Variants in DDX17 observed in about 807,000 individuals in gnomAD.
The protein encoded by DDX17 is DEAD-box helicase 17.
A neutral mutation model predicts 80.8 loss-of-function variants in DDX17; 10 were observed. The ratio of observed to expected loss-of-function variants is 0.12; its 90% confidence interval spans 0.08 to 0.21. DDX17 has a LOEUF of 0.21. Among genes scored for constraint, DDX17 ranks in the 10% least tolerant of loss-of-function variants. The pLI is 1.00. For missense variants in DDX17, 586 were observed against 957.4 expected (o/e 0.61, Z 5.12); for synonymous variants, 339 against 336.2 (o/e 1.01, Z -0.09).
At chr22:38,505,857 A>G in intron 1 of DDX17, 94 bp downstream of exon 1, 1 of 1,443,772 alleles carries the variant, frequency 6.9e-7, no homozygotes, top group Admixed American at 2.3e-5. Context: ...CCGGGTCGAG[A>G]GCAAGGCTCC....
chr22:38,495,148 C>T, intron 6 of DDX17, 102 bp from the exon 7 acceptor site: 1 of 1,133,062 alleles, frequency 8.8e-7, no homozygotes, highest in Non-Finnish European at 1.2e-6. Context: ...CGCTTGAGGC[C>T]AGTTCACAAC....
At chr22:38,497,064 C>T (rs2089775414) in intron 5 of DDX17, among the ~76,000 whole-genome samples, 1 of 150,582 alleles carries the variant, frequency 6.6e-6, no homozygotes, top group Non-Finnish European at 1.5e-5. Context: ...TTTTGGGAGG[C>T]CGAGGCAGAT....
chr22:38,494,236 A>G, intron 8 of DDX17, 105 bp from the exon 9 acceptor site: 1 of 785,948 alleles, frequency 1.3e-6, no homozygotes, highest in Non-Finnish European at 2.1e-6. Context: ...TTTGCACATT[A>G]CGCTTTTAAA....
rs1382439557 is a variant in DDX17, at chr22:38,484,404, C to T, written c.*1531G>A. On this transcript the variant is annotated 3_prime_UTR_variant, in exon 13 of 13. Coordinates refer to ENST00000403230, the MANE Select transcript of DDX17 (RefSeq NM_006386.5). ...TCAGAACCCCTCAGAAACCATCCCT[C>T]TCTCCCTAAAGAATTTTAAAAGGAA... The T allele has an allele frequency of 1.3e-5, 2 of 152,234 alleles. No homozygotes were observed. Among genetic ancestry groups the T allele is most frequent in the Non-Finnish European group, 2.9e-5 (2 of 68,048 alleles). 9.4% of individuals were successfully genotyped at this position (152,234 alleles called of 1,614,324 possible). A position where few individuals can be genotyped will look rare whatever the true frequency, so the allele number is the denominator to read the frequency against.
chr22:38,493,105 C>G (rs3859847), intron 10 of DDX17, among the ~76,000 whole-genome samples: 12 of 152,180 alleles, frequency 7.9e-5, no homozygotes, highest in Non-Finnish European at 1.6e-4. Flanking sequence ...ATCAACTATA[C>G]AACAGGGGTA....
In DDX17 at chr22:38,486,088, A is replaced by G. The variant is rs1317011639; in HGVS notation, c.2037T>C (p.Phe679=). 36 of 1,614,020 alleles carry G rather than the reference A, an allele frequency of 2.2e-5. No individual in the cohort carries two copies. The highest frequency in any genetic ancestry group is 2.7e-5 in the Non-Finnish European group (32 of 1,180,028). ...GCTGCCCAGACCGGCCTATCCCACT[A>G]AACTGCTGGCTAGAGCTCTGTGAAC... is the stretch of plus-strand genomic sequence containing the variant. The change falls in exon 13 of 13, where the codon TTT becomes TTC. Residue 679 remains phenylalanine, a synonymous_variant. Coordinates refer to ENST00000403230, the MANE Select transcript of DDX17 (RefSeq NM_006386.5).
intron 6 of DDX17, among the ~76,000 whole-genome samples, chr22:38,495,249 T>TC (rs2089749571): frequency 6.7e-6 from 1 of 148,948 alleles, no homozygotes; most frequent in Admixed American, 6.7e-5. Context: ...AGAAGCTATT[T>TC]TTTTTTTTTT....
intron 12 of DDX17, among the ~76,000 whole-genome samples, chr22:38,487,260 C>T (rs2089669570): frequency 6.6e-6 from 1 of 152,058 alleles, no homozygotes; most frequent in African/African-American, 2.4e-5. Flanking sequence ...TTTGGGAGGC[C>T]AAGACAGGTG....
At chr22:38,498,699 C>CTT in intron 3 of DDX17, 126 bp from the exon 4 acceptor site, 1 of 1,002,072 alleles carries the variant, frequency 1.0e-6, no homozygotes, top group Non-Finnish European at 1.5e-6. Flanking sequence ...AGTGCTTTTT[C>CTT]TTTATCTACT....
intron 1 of DDX17, among the ~76,000 whole-genome samples, chr22:38,501,816 C>T (rs1029320754): frequency 2.0e-5 from 3 of 152,210 alleles, no homozygotes; most frequent in South Asian, 4.1e-4. Flanking sequence ...AAGTATGTAT[C>T]GGCTACTGTT....
chr22:38,491,029 TA>T, intron 11 of DDX17: 1 of 152,908 alleles, frequency 6.5e-6, no homozygotes, highest in African/African-American at 2.4e-5. Flanking sequence ...AAGCTTTATG[TA>T]AACTGCTTTC....
intron 1 of DDX17, chr22:38,505,621 G>A: frequency 3.6e-6 from 1 of 274,900 alleles, no homozygotes; most frequent in Non-Finnish European, 6.8e-6. Flanking sequence ...CTCGAGAGCC[G>A]GGAAACCAGG....
intron 6 of DDX17, among the ~76,000 whole-genome samples, chr22:38,495,528 A>AGCC (rs1361891013): frequency 6.6e-6 from 1 of 152,160 alleles, no homozygotes; most frequent in African/African-American, 2.4e-5. Context: ...TACAGGCATG[A>AGCC]GCCACCGCAC....
At chr22:38,496,308 C>T (rs1185281962) in intron 5 of DDX17, among the ~76,000 whole-genome samples, 1 of 152,132 alleles carries the variant, frequency 6.6e-6, no homozygotes, top group Non-Finnish European at 1.5e-5. Flanking sequence ...AATGCTCCAG[C>T]AAGCATTTAC....
At position 38,486,277 on chromosome 22, in the gene DDX17, G is replaced by T; in HGVS notation, c.1848C>A (p.Gly616=). 1 of 1,614,174 alleles carries T rather than the reference G, an allele frequency of 6.2e-7. No individual in the cohort carries two copies. Among genetic ancestry groups the T allele is most frequent in the East Asian group, 2.2e-5 (1 of 44,884 alleles). Residue 616 remains glycine (G), a synonymous_variant, in exon 13 of 13, where the codon GGC becomes GGA. Transcript: ENST00000403230. ...CAGAATTTGGACTTCCATAGCCACT[G>T]CCATTAGCATAACCAGCTCTATCGG...
chr22:38,493,753 G>A lies in DDX17; in HGVS notation c.1344C>T (p.Ile448=), dbSNP rs1472843153. 2 of 1,613,524 alleles carry A rather than the reference G, an allele frequency of 1.2e-6. No homozygotes were observed. The highest frequency in any genetic ancestry group is 1.7e-6 in the Non-Finnish European group (2 of 1,179,620). The change falls in exon 10 of 13, where the codon ATC becomes ATT. Residue 448 remains isoleucine (I), a synonymous_variant. Coordinates refer to ENST00000403230, the MANE Select transcript of DDX17 (RefSeq NM_006386.5). ...TTTCTGGTTGACTCTTGTCTCCATGGATACACATAGCTGGCCAACTATCAG... is the reference window on the plus strand; with the variant it reads ...TTTCTGGTTGACTCTTGTCTCCATGAATACACATAGCTGGCCAACTATCAG...
intron 10 of DDX17, chr22:38,493,395 C>T: frequency 4.2e-6 from 1 of 238,058 alleles, no homozygotes; most frequent in African/African-American, 2.3e-5. Flanking sequence ...CTATGTTGCC[C>T]AGACCGGTCT....
Position 38,485,817 on chromosome 22 carries a change from T to TAAAAA in DDX17, c.*113_*117dup. The stretch of plus-strand genomic sequence containing the variant: ...AATCACGATGGTTGGGGGGAAAAAT[T>TAAAAA]AAAAAAAAAAAAAGAAAAAAGGAAA... On this transcript the variant is annotated 3_prime_UTR_variant, in exon 13 of 13. Coordinates refer to ENST00000403230, the MANE Select transcript of DDX17 (RefSeq NM_006386.5). The TAAAAA allele has an allele frequency of 9.7e-7, 1 of 1,034,692 alleles. No individual in the cohort carries two copies. The highest frequency in any genetic ancestry group is 1.3e-6 in the Non-Finnish European group (1 of 784,820). The allele number at this position is 1,034,692 out of a possible 1,614,324, so 64.1% of individuals were successfully genotyped here. A position where few individuals can be genotyped will look rare whatever the true frequency, so the allele number is the denominator to read the frequency against.
chr22:38,494,621 C>A lies in DDX17; in HGVS notation c.1214+9G>T, dbSNP rs372412346. 2 of 1,613,036 alleles carry A rather than the reference C, an allele frequency of 1.2e-6. No individual in the cohort carries two copies. Among genetic ancestry groups the A allele is most frequent in the African/African-American group, 1.3e-5 (1 of 74,976 alleles). ...GCATTATCAAATCAGAGTAAAATATCTTTCATACTTGTGGTCTTTTTCACT... is the reference window on the plus strand; with the variant it reads ...GCATTATCAAATCAGAGTAAAATATATTTCATACTTGTGGTCTTTTTCACT... On this transcript the variant is annotated intron_variant, in intron 8 of 12. Coordinates refer to ENST00000403230, the MANE Select transcript of DDX17 (RefSeq NM_006386.5).
Sources: allele counts gnomAD v4.1 joint callset (sites outside exome capture counted in the v4.1 genomes callset), GRCh38; gene constraint gnomAD v4.1.1; transcripts MANE v1.5; gene names NCBI Gene and HGNC (gene_info 2026-07-23, HGNC 2026-07-21).